Variants in FAM227B observed in about 807,000 individuals in gnomAD.
FAM227B encodes the protein family with sequence similarity 227 member B.
A neutral mutation model predicts 73.8 loss-of-function variants in FAM227B; 88 were observed. That is an observed-to-expected ratio of 1.19 (90% confidence interval 1.00 to 1.42). The LOEUF is 1.42. Ranked by LOEUF, FAM227B falls within the 40% of genes most tolerant of loss-of-function variation. The pLI is 0.00. For synonymous variants in FAM227B, 210 were observed against 190.5 expected, an observed-to-expected ratio of 1.10 and a Z score of -0.84; for missense variants, 632 against 590.9, an observed-to-expected ratio of 1.07 and a Z score of -0.72.
intron 5 of FAM227B, among the ~76,000 whole-genome samples, chr15:49,585,419 A>G (rs2076090319): frequency 6.6e-6 from 1 of 152,254 alleles, no homozygotes; most frequent in South Asian, 2.1e-4. Flanking sequence ...ACTATTCACA[A>G]TAGCAAAGAC....
intron 3 of FAM227B, 59 bp from the exon 4 acceptor site, chr15:49,590,066 T>C (rs1159755969): frequency 2.2e-6 from 2 of 903,282 alleles, no homozygotes; most frequent in Non-Finnish European, 3.6e-6. Flanking sequence ...ATTTAAATAA[T>C]AGAGTTCAAA....
At chr15:49,383,425 A>G (rs1311361276) in intron 11 of FAM227B, among the ~76,000 whole-genome samples, 4 of 152,148 alleles carry the variant, frequency 2.6e-5, no homozygotes, top group African/African-American at 4.8e-5. Context: ...TTTATTAGAC[A>G]AAATGCTATT....
intron 11 of FAM227B, among the ~76,000 whole-genome samples, chr15:49,506,337 A>G (rs2058581558): frequency 6.6e-6 from 1 of 152,080 alleles, no homozygotes; most frequent in Admixed American, 6.6e-5. Context: ...TACAACCCTT[A>G]AAAATGCAAA....
intron 13 of FAM227B, among the ~76,000 whole-genome samples, chr15:49,351,899 T>A (rs2042308931): frequency 6.6e-6 from 1 of 152,200 alleles, no homozygotes. Flanking sequence ...TATTGCTATA[T>A]AACAAACAAC....
At chr15:49,422,780 G>A in intron 11 of FAM227B, 1 of 1,311,738 alleles carries the variant, frequency 7.6e-7, no homozygotes, top group Non-Finnish European at 1.1e-6. Context: ...TGTATGATGT[G>A]ATAATATTCA....
chr15:49,398,363 C>G (rs1317538397), intron 11 of FAM227B, among the ~76,000 whole-genome samples: 7 of 141,354 alleles, frequency 5.0e-5, no homozygotes, highest in African/African-American at 1.9e-4. Context: ...CCTGAGTGAC[C>G]TACAAAGAGA....
intron 13 of FAM227B, among the ~76,000 whole-genome samples, chr15:49,348,267 A>G (rs1350521268): frequency 1.3e-5 from 2 of 152,180 alleles, no homozygotes; most frequent in African/African-American, 4.8e-5. Context: ...TCTACCCTCC[A>G]CAAAGCTATT....
At chr15:49,611,515 A>C (rs1011097398) in intron 2 of FAM227B, among the ~76,000 whole-genome samples, 2 of 151,888 alleles carry the variant, frequency 1.3e-5, no homozygotes, top group Non-Finnish European at 2.9e-5. Context: ...CTAGAGAAAA[A>C]CTCCACATGA....
intron 11 of FAM227B, chr15:49,424,259 C>T: frequency 6.4e-7 from 1 of 1,566,916 alleles, no homozygotes. Flanking sequence ...GATTCATTTT[C>T]ATTATGTTAT....
chr15:49,397,038 C>T (rs1261939047), intron 11 of FAM227B, among the ~76,000 whole-genome samples: 1 of 152,086 alleles, frequency 6.6e-6, no homozygotes, highest in Non-Finnish European at 1.5e-5. Flanking sequence ...TTCAGATGAT[C>T]AAATTACTCT....
chr15:49,387,336 A>C (rs1481657270), intron 11 of FAM227B, among the ~76,000 whole-genome samples: 2 of 151,894 alleles, frequency 1.3e-5, no homozygotes, highest in African/African-American at 4.8e-5. Context: ...GGGATGGTTT[A>C]ATATACGCAA....
In FAM227B at chr15:49,512,580, ATTAT is replaced by A. The variant is rs532823986; in HGVS notation, c.875-4236_875-4233del. Among the ~76,000 whole-genome samples the A allele has an allele frequency of 2.8e-3, 433 of 151,938 alleles. 6 individuals are homozygous for A. The highest frequency in any genetic ancestry group is 0.026 in the South Asian group (127 of 4,816). ...GCCTATTCAAATATTTATTTTTTTAATTATTTATTTATTTAACTTTACATTCTGG... is the reference window on the plus strand; with the variant it reads ...GCCTATTCAAATATTTATTTTTTTAATTATTTATTTAACTTTACATTCTGG... On this transcript the variant is annotated intron_variant, in intron 10 of 15. Transcript: ENST00000299338.
chr15:49,422,653 G>T, intron 11 of FAM227B: 1 of 1,110,088 alleles, frequency 9.0e-7, no homozygotes, highest in South Asian at 1.3e-5. Flanking sequence ...TAACTTGCCC[G>T]AAGTCATACT....
At chr15:49,576,536 G>T in intron 7 of FAM227B, 1 of 450,038 alleles carries the variant, frequency 2.2e-6, no homozygotes, top group Non-Finnish European at 4.0e-6. Flanking sequence ...GCAACCTCAG[G>T]GTCCCAAAGC....
chr15:49,384,369 C>T (rs1596744819), intron 11 of FAM227B, among the ~76,000 whole-genome samples: 1 of 151,976 alleles, frequency 6.6e-6, no homozygotes, highest in Non-Finnish European at 1.5e-5. Context: ...ACAAAAGTGC[C>T]TACTGAGTGT....
chr15:49,421,033 G>A (rs1454450507), intron 11 of FAM227B, among the ~76,000 whole-genome samples: 1 of 152,068 alleles, frequency 6.6e-6, no homozygotes, highest in Non-Finnish European at 1.5e-5. Flanking sequence ...CAGCAATGGT[G>A]TGTTAAAAAA....
chr15:49,396,937 C>A (rs922493244), intron 11 of FAM227B, among the ~76,000 whole-genome samples: 1 of 152,176 alleles, frequency 6.6e-6, no homozygotes, highest in Admixed American at 6.5e-5. Context: ...AAAAGCAGAG[C>A]GCCTCTCCTC....
intron 11 of FAM227B, among the ~76,000 whole-genome samples, chr15:49,456,825 C>G (rs2053339876): frequency 6.6e-6 from 1 of 152,072 alleles, no homozygotes; most frequent in South Asian, 2.1e-4. Context: ...TTGTGAGAAT[C>G]AGTGGCAGTC....
At chr15:49,478,220 G>A (rs1489592379) in intron 11 of FAM227B, among the ~76,000 whole-genome samples, 1 of 152,142 alleles carries the variant, frequency 6.6e-6, no homozygotes, top group Non-Finnish European at 1.5e-5. Flanking sequence ...GCCTCCGGCT[G>A]CATCCATGTT....
Sources: gnomAD v4.1 joint callset for allele counts (sites outside exome capture counted in the v4.1 genomes callset) on GRCh38, gnomAD v4.1.1 for gene constraint, MANE v1.5 for transcripts, NCBI Gene and HGNC (gene_info 2026-07-23, HGNC 2026-07-21) for gene names.